Variants in SDK1 observed in about 807,000 individuals in gnomAD.
SDK1 encodes the protein sidekick cell adhesion molecule 1.
Under a neutral mutation model 245.5 loss-of-function variants are expected in SDK1, and 157 were observed. The observed-to-expected ratio is 0.64, with a 90% CI of 0.56 to 0.73. SDK1 has a LOEUF of 0.73. SDK1 is among the 30% of genes least tolerant of loss of function. The pLI, the probability that SDK1 is intolerant of heterozygous loss-of-function variation, is 0.00. For missense variants in SDK1, 3,583 were observed against 3,002.3 expected (o/e 1.19, Z -4.52); for synonymous variants, 1,647 against 1,278.5 (o/e 1.29, Z -6.15).
At position 4,127,514 on chromosome 7, in the gene SDK1, G is replaced by C. The variant is rs754456203; in HGVS notation, c.3939+18G>C. On this transcript the variant is annotated intron_variant, in intron 26 of 44. Transcript: ENST00000404826. ...GCTACAAGGTGTGTGATCACAGGAT[G>C]ACCTCCCTTTGCTTAAAGAGTGGGC... 3.0e-5 allele frequency: 47 copies of C among 1,574,240 alleles called. No homozygotes were observed. The highest frequency in any genetic ancestry group is 3.3e-4 in the Middle Eastern group (2 of 5,990).
At chr7:3,683,036 G>C (rs1004670737) in intron 4 of SDK1, among the ~76,000 whole-genome samples, 5 of 152,182 alleles carry the variant, frequency 3.3e-5, no homozygotes, top group African/African-American at 1.2e-4. Flanking sequence ...GCGCGGCCTG[G>C]ATTTATAAAT....
chr7:3,346,033 C>T (rs373449599), intron 1 of SDK1, among the ~76,000 whole-genome samples: 2 of 152,254 alleles, frequency 1.3e-5, no homozygotes. Context: ...ACTTGTACTC[C>T]TGGATAAAAT....
chr7:3,809,131 C>G (rs969052383), intron 4 of SDK1, among the ~76,000 whole-genome samples: 1 of 152,032 alleles, frequency 6.6e-6, no homozygotes, highest in African/African-American at 2.4e-5. Context: ...GGGGAGGCCT[C>G]AGGAAGCTTC....
intron 4 of SDK1, among the ~76,000 whole-genome samples, chr7:3,739,430 G>T (rs79059242): frequency 6.6e-6 from 1 of 152,030 alleles, no homozygotes; most frequent in East Asian, 1.9e-4. Context: ...TTAGTTGTGT[G>T]TTGGCACACC....
intron 4 of SDK1, among the ~76,000 whole-genome samples, chr7:3,672,164 A>T (rs1038965373): frequency 6.6e-6 from 1 of 151,914 alleles, no homozygotes; most frequent in Non-Finnish European, 1.5e-5. Flanking sequence ...AACCTGAAGG[A>T]CTATAGGAAT....
intron 1 of SDK1, among the ~76,000 whole-genome samples, chr7:3,450,441 A>T (rs973833795): frequency 6.6e-6 from 1 of 152,178 alleles, no homozygotes; most frequent in Non-Finnish European, 1.5e-5. Flanking sequence ...CAGATAATAA[A>T]GTGGGATGTT....
intron 1 of SDK1, among the ~76,000 whole-genome samples, chr7:3,379,748 C>T (rs1023585196): frequency 1.3e-5 from 2 of 152,154 alleles, no homozygotes; most frequent in African/African-American, 4.8e-5. Context: ...TATATAGACA[C>T]ATACATACAT....
chr7:3,903,513 A>G (rs1483598984), intron 5 of SDK1, among the ~76,000 whole-genome samples: 2 of 152,028 alleles, frequency 1.3e-5, no homozygotes, highest in African/African-American at 4.8e-5. Context: ...ACCCTTATAC[A>G]TTGTTTATAG....
intron 4 of SDK1, among the ~76,000 whole-genome samples, chr7:3,808,550 G>A (rs1050936672): frequency 6.6e-6 from 1 of 152,218 alleles, no homozygotes; most frequent in East Asian, 1.9e-4. Context: ...CCGTGAGGCA[G>A]AAGAGACATG....
chr7:3,862,601 A>G (rs1583488078), intron 5 of SDK1, among the ~76,000 whole-genome samples: 1 of 152,200 alleles, frequency 6.6e-6, no homozygotes, highest in South Asian at 2.1e-4. Flanking sequence ...TTGTTAGGCA[A>G]AGCTTGAATA....
chr7:3,680,967 G>C (rs892044757), intron 4 of SDK1, among the ~76,000 whole-genome samples: 3 of 151,886 alleles, frequency 2.0e-5, no homozygotes, highest in Admixed American at 2.0e-4. Flanking sequence ...CTCAGCCTCC[G>C]GAGTAGCTGG....
At chr7:3,707,362 A>G (rs1394086454) in intron 4 of SDK1, among the ~76,000 whole-genome samples, 1 of 152,226 alleles carries the variant, frequency 6.6e-6, no homozygotes, top group Non-Finnish European at 1.5e-5. Flanking sequence ...GTAGTTTTCA[A>G]GGTTCCTTTT....
At chr7:3,632,393 A>T (rs552939597) in intron 2 of SDK1, among the ~76,000 whole-genome samples, 1 of 152,326 alleles carries the variant, frequency 6.6e-6, no homozygotes, top group East Asian at 1.9e-4. Context: ...AGGTCTTTGG[A>T]TTGGCTTTCA....
intron 44 of SDK1, among the ~76,000 whole-genome samples, chr7:4,263,347 G>A (rs1788172919): frequency 1.3e-5 from 2 of 151,208 alleles, no homozygotes; most frequent in South Asian, 4.2e-4. Context: ...GTCCCCTGGG[G>A]CCTGTGTGGG....
intron 20 of SDK1, among the ~76,000 whole-genome samples, chr7:4,072,091 C>A (rs981946154): frequency 1.3e-5 from 2 of 152,232 alleles, no homozygotes; most frequent in African/African-American, 4.8e-5. Context: ...GTTTCACCAG[C>A]TAATGGGGCT....
chr7:4,105,738 G>A (rs1441434783), intron 22 of SDK1, among the ~76,000 whole-genome samples: 1 of 152,200 alleles, frequency 6.6e-6, no homozygotes, highest in Non-Finnish European at 1.5e-5. Context: ...AGGCTAAGAG[G>A]GATGCTGTTC....
chr7:3,440,129 T>G (rs1490472780), intron 1 of SDK1, among the ~76,000 whole-genome samples: 1 of 152,098 alleles, frequency 6.6e-6, no homozygotes, highest in Non-Finnish European at 1.5e-5. Context: ...AATTCATCAG[T>G]TTTAAATTGT....
chr7:3,749,119 G>A (rs1779704743), intron 4 of SDK1, among the ~76,000 whole-genome samples: 1 of 152,074 alleles, frequency 6.6e-6, no homozygotes, highest in South Asian at 2.1e-4. Context: ...CATGAAAGAA[G>A]GTTAAGGAGA....
intron 7 of SDK1, among the ~76,000 whole-genome samples, chr7:3,957,371 G>A (rs1781354901): frequency 6.6e-6 from 1 of 152,144 alleles, no homozygotes; most frequent in Non-Finnish European, 1.5e-5. Context: ...TTATGCTATC[G>A]TTTTTTGCAA....
Sources: allele counts gnomAD v4.1 joint callset (sites outside exome capture counted in the v4.1 genomes callset), GRCh38; gene constraint gnomAD v4.1.1; transcripts MANE v1.5; gene names NCBI Gene and HGNC (gene_info 2026-07-23, HGNC 2026-07-21).